The following KDM6A variants were observed in gnomAD, a reference collection of about 807,000 sequenced individuals.
The protein encoded by KDM6A is lysine-specific demethylase 6A.
In KDM6A, 11 loss-of-function variants were observed where a neutral mutation model predicts 117.6. That is an observed-to-expected ratio of 0.09 (90% CI 0.06 to 0.15). The LOEUF (loss-of-function observed/expected upper bound fraction) is 0.15. KDM6A is among the 10% of genes least tolerant of loss of function. The probability of loss-of-function intolerance (pLI) is 1.00; values close to 1 mark genes in which losing one functional copy is unlikely to be tolerated. For synonymous variants in KDM6A, 384 were observed against 396.1 expected, an observed-to-expected ratio of 0.97 and a Z score of 0.36; for missense variants, 799 against 1,077.3, an observed-to-expected ratio of 0.74 and a Z score of 3.62.
At chrX:44,997,900 T>C (rs2040943350) in intron 4 of KDM6A, among the ~76,000 whole-genome samples, 1 of 111,980 alleles carries the variant, frequency 8.9e-6, no homozygotes, top group Admixed American at 9.5e-5. Context: ...GTTAAAATCA[T>C]AGAAATGTAT....
intron 2 of KDM6A, among the ~76,000 whole-genome samples, chrX:44,922,463 AT>A (rs750781635): frequency 9.1e-6 from 1 of 110,299 alleles, no homozygotes; most frequent in Admixed American, 9.6e-5. Flanking sequence ...CCATTTTCTA[AT>A]TTGAATTTTT....
chrX:45,006,751 T>C (rs140556574), intron 4 of KDM6A, among the ~76,000 whole-genome samples: 4,212 of 110,908 alleles, frequency 0.038, 212 homozygotes, highest in African/African-American at 0.13. Context: ...TACTGACATA[T>C]TGATTCTTTG....
chrX:44,876,953 A>G (rs1267687874), intron 2 of KDM6A, among the ~76,000 whole-genome samples: 1 of 111,818 alleles, frequency 8.9e-6, no homozygotes, highest in African/African-American at 3.2e-5. Flanking sequence ...ACGTATACGT[A>G]TATACGCACG....
In KDM6A at chrX:45,024,222, C is replaced by T. The variant is rs757825597; in HGVS notation, c.564+3492C>T. Among the ~76,000 whole-genome samples the T allele has an allele frequency of 4.5e-5, 5 of 112,051 alleles. No individual in the cohort carries two copies. The East Asian group carries it at 1.4e-3, about 31-fold the overall frequency. On this transcript the variant is annotated intron_variant, in intron 6 of 29. Coordinates refer to ENST00000611820, the MANE Select transcript of KDM6A (RefSeq NM_001291415.2). The stretch of plus-strand genomic sequence containing the variant: ...TTTAAGGAACCGCCACACTGTTTTC[C>T]ATAGTGGCTGTACTAGTTTACATTC...
At chrX:44,902,514 G>A (rs1475666224) in intron 2 of KDM6A, among the ~76,000 whole-genome samples, 2 of 108,177 alleles carry the variant, frequency 1.8e-5, no homozygotes, top group Admixed American at 9.8e-5. Context: ...CTCAGCCTCC[G>A]GAGTAGCTGG....
chrX:44,996,404 A>G (rs926740531), intron 4 of KDM6A, among the ~76,000 whole-genome samples: 4 of 108,677 alleles, frequency 3.7e-5, no homozygotes, highest in South Asian at 4.1e-4. Context: ...AGTAAGTGAC[A>G]AGGCTTTGAT....
intron 3 of KDM6A, among the ~76,000 whole-genome samples, chrX:44,964,450 GAAAAAAAA>G (rs565164399): frequency 3.7e-5 from 2 of 54,228 alleles, no homozygotes; most frequent in African/African-American, 1.2e-4. Context: ...CTCTGTCTCA[GAAAAAAAA>G]AAAAAAAAAA....
intron 2 of KDM6A, among the ~76,000 whole-genome samples, chrX:44,885,020 C>T (rs1307501031): frequency 1.8e-5 from 2 of 109,813 alleles, no homozygotes; most frequent in Non-Finnish European, 3.8e-5. Flanking sequence ...CCTAATCACC[C>T]GACCTCATCA....
chrX:44,910,728 C>G (rs1177718290), intron 2 of KDM6A, among the ~76,000 whole-genome samples: 1 of 110,105 alleles, frequency 9.1e-6, no homozygotes, highest in African/African-American at 3.3e-5. Context: ...CTTCAAGCAT[C>G]TGTTTAACAA....
rs764394692 is a variant in KDM6A, at chrX:44,873,986, A to C, written c.224A>C (p.Lys75Thr). 15 of 1,209,385 alleles carry C rather than the reference A, an allele frequency of 1.2e-5. No individual in the cohort carries two copies. The highest frequency in any genetic ancestry group is 1.7e-5 in the Non-Finnish European group (15 of 893,234). ...GCCAGGACGAAGGCCCTACTGGGCA[A>C]GGTAAGGCAGCTGCGAGTCGGAGCG... ...DGARTKALLG[K>T]AVRCYESLIL... Residue 75 changes from lysine to threonine, a missense_variant and splice_region_variant, in exon 2 of 30, where the codon AAG (lysine) becomes ACG (threonine). Physicochemically the swap from Lys to Thr is moderately conservative, Grantham distance 78 (BLOSUM62 -1). Coordinates refer to ENST00000611820, the MANE Select transcript of KDM6A (RefSeq NM_001291415.2).
At chrX:44,923,216 G>A (rs1446296863) in intron 2 of KDM6A, among the ~76,000 whole-genome samples, 1 of 111,215 alleles carries the variant, frequency 9.0e-6, no homozygotes, top group Non-Finnish European at 1.9e-5. Flanking sequence ...ATGTGTTGTA[G>A]TTTCTTTTTC....
At chrX:44,986,087 T>C (rs1321116757) in intron 4 of KDM6A, among the ~76,000 whole-genome samples, 17 of 111,168 alleles carry the variant, frequency 1.5e-4, no homozygotes, top group African/African-American at 5.2e-4. Context: ...CAATTTCAGA[T>C]CCTGTTATTG....
Position 45,078,455 on chromosome X carries a change from C to T in KDM6A, c.3044C>T (p.Pro1015Leu). Residue 1015 changes from proline to leucine, a missense_variant, in exon 20 of 30, where the codon CCG becomes CTG. Coordinates refer to ENST00000611820, the MANE Select transcript of KDM6A (RefSeq NM_001291415.2). ...FPPLHQFCTN[P>L]NNPVTVIRGL... ...CCATTACATCAATTTTGTACAAATC[C>T]GAACAACCCTGTTACAGTAATACGT... The T allele has an allele frequency of 1.7e-6, 2 of 1,209,678 alleles. No individual in the cohort carries two copies. Among genetic ancestry groups the T allele is most frequent in the Non-Finnish European group, 2.2e-6 (2 of 894,669 alleles).
rs1412985730 is a variant in KDM6A at position 44,922,027 on chromosome X, C to CTTTTTTTTTTTTTTTTTTTTTTTT, written c.226-39257_226-39256insTTTTTTTTTTTTTTTTTTTTTTTT. On this transcript the variant is annotated intron_variant, in intron 2 of 29. Transcript: ENST00000611820. ...ATGCTGATAAAATTCATTGTGTGTG[C>CTTTTTTTTTTTTTTTTTTTTTTTT]CTTTTTTTTTTTTTTTTTTTTTTTT... Among the ~76,000 whole-genome samples, 153 of 37,710 alleles carry CTTTTTTTTTTTTTTTTTTTTTTTT rather than the reference C, an allele frequency of 4.1e-3. 73 individuals are homozygous for CTTTTTTTTTTTTTTTTTTTTTTTT. Among genetic ancestry groups the CTTTTTTTTTTTTTTTTTTTTTTTT allele is most frequent in the South Asian group, 6.0e-3 (2 of 334 alleles). 32.7% of individuals were successfully genotyped at this position (37,710 alleles called of 115,157 possible). A position where few individuals can be genotyped will look rare whatever the true frequency, so the allele number is the denominator to read the frequency against.
chrX:44,949,925 C>T (rs1288731099), intron 2 of KDM6A, among the ~76,000 whole-genome samples: 2 of 111,311 alleles, frequency 1.8e-5, no homozygotes, highest in Non-Finnish European at 3.8e-5. Context: ...ATAATGATTG[C>T]TGTAAGACTG....
At chrX:45,024,585 A>T (rs906863901) in intron 6 of KDM6A, among the ~76,000 whole-genome samples, 1 of 110,227 alleles carries the variant, frequency 9.1e-6, no homozygotes, top group African/African-American at 3.3e-5. Flanking sequence ...CTCCCACTCT[A>T]TTGGTTATCT....
chrX:45,024,490 G>GT (rs891994281), intron 6 of KDM6A, among the ~76,000 whole-genome samples: 31 of 108,376 alleles, frequency 2.9e-4, no homozygotes, highest in African/African-American at 3.7e-4. Context: ...GGGATTATTT[G>GT]TTTTTTTTTC....
intron 2 of KDM6A, among the ~76,000 whole-genome samples, chrX:44,928,662 G>A (rs767428038): frequency 3.6e-5 from 4 of 111,232 alleles, no homozygotes; most frequent in East Asian, 5.6e-4. Context: ...ATAAGGAGAC[G>A]GGGAAAAGCT....
At chrX:45,009,360 G>A (rs756330553) in intron 4 of KDM6A, among the ~76,000 whole-genome samples, 3 of 112,083 alleles carry the variant, frequency 2.7e-5, no homozygotes, top group African/African-American at 9.7e-5. Flanking sequence ...GCATACTAAT[G>A]CATTATAATT....
Sources: gnomAD v4.1 joint callset for allele counts (sites outside exome capture counted in the v4.1 genomes callset) on GRCh38, gnomAD v4.1.1 for gene constraint, MANE v1.5 for transcripts, NCBI Gene and HGNC (gene_info 2026-07-23, HGNC 2026-07-21) for gene names.